CAPN9: variants seen among roughly 807,000 people sequenced by gnomAD.
CAPN9 encodes calpain 9.
A neutral mutation model predicts 92.8 loss-of-function variants in CAPN9; 81 were observed. The ratio of observed to expected loss-of-function variants is 0.87; its 90% CI spans 0.73 to 1.05. The LOEUF (loss-of-function observed/expected upper bound fraction) is 1.05, where lower values mean the gene tolerates loss of function less well. Among genes scored for constraint, CAPN9 ranks in the 50% least tolerant of loss-of-function variants. The pLI, the probability that CAPN9 is intolerant of heterozygous loss-of-function variation, is 0.00. For missense variants in CAPN9, 848 were observed against 866.2 expected (o/e 0.98, Z 0.26); for synonymous variants, 304 against 328.0 (o/e 0.93, Z 0.79).
chr1:230,788,237 A>G (rs1009198869), intron 13 of CAPN9, among the ~76,000 whole-genome samples: 7 of 151,804 alleles, frequency 4.6e-5, no homozygotes, highest in African/African-American at 1.5e-4. Flanking sequence ...CCATTAGAAT[A>G]CTCTGTTTGC....
At chr1:230,747,879 T>C (rs573230600) in intron 1 of CAPN9, among the ~76,000 whole-genome samples, 170 bp downstream of exon 1, 1 of 152,242 alleles carries the variant, frequency 6.6e-6, no homozygotes, top group Non-Finnish European at 1.5e-5. Context: ...GAAAATAATG[T>C]ACAGGCCTGG....
intron 11 of CAPN9, among the ~76,000 whole-genome samples, chr1:230,782,124 T>C (rs1201429156): frequency 6.6e-6 from 1 of 152,158 alleles, no homozygotes; most frequent in African/African-American, 2.4e-5. Context: ...CTCTATCTTA[T>C]TAGTGGGGTG....
chr1:230,792,073 TG>T, intron 15 of CAPN9, 145 bp downstream of exon 15: 1 of 674,076 alleles, frequency 1.5e-6, no homozygotes, highest in South Asian at 2.0e-5. Flanking sequence ...AACCCAAAGC[TG>T]GGGGACCCCC....
At chr1:230,757,011 TGGAA>T (rs1185102067) in intron 2 of CAPN9, among the ~76,000 whole-genome samples, 12,813 of 84,902 alleles carry the variant, frequency 0.15, 755 homozygotes, top group African/African-American at 0.2. Context: ...GGAGGGAGGA[TGGAA>T]GGAAGGAAGG....
chr1:230,773,248 G>A (rs1367830716), intron 7 of CAPN9, among the ~76,000 whole-genome samples: 3 of 152,196 alleles, frequency 2.0e-5, no homozygotes, highest in Non-Finnish European at 4.4e-5. Context: ...TCTGGCCTTG[G>A]CTGCCGCCTT....
chr1:230,790,248 G>T (rs1163486191), intron 14 of CAPN9, 59 bp downstream of exon 14: 1 of 1,596,874 alleles, frequency 6.3e-7, no homozygotes, highest in Admixed American at 1.7e-5. Context: ...CGACCACACT[G>T]CCTGGGTCCC....
At chr1:230,751,665 AAGAAAGAAAGAAAG>A (rs1664840414) in intron 1 of CAPN9, among the ~76,000 whole-genome samples, 1 of 55,070 alleles carries the variant, frequency 1.8e-5, no homozygotes, top group Admixed American at 1.5e-4. Flanking sequence ...GAAAGAAAGA[AAGAAAGAAAGAAAG>A]AAAGAAGGGT....
intron 1 of CAPN9, among the ~76,000 whole-genome samples, chr1:230,754,181 A>C (rs926707522): frequency 1.3e-5 from 2 of 151,980 alleles, no homozygotes; most frequent in Non-Finnish European, 2.9e-5. Context: ...CGTCCAGGGC[A>C]GCTCCACCAG....
At chr1:230,753,720 A>G (rs914679090) in intron 1 of CAPN9, among the ~76,000 whole-genome samples, 1 of 152,006 alleles carries the variant, frequency 6.6e-6, no homozygotes, top group African/African-American at 2.4e-5. Context: ...AAGAGGTGGG[A>G]AAAATCCTTC....
intron 13 of CAPN9, among the ~76,000 whole-genome samples, chr1:230,789,884 G>A (rs958237764): frequency 1.3e-5 from 2 of 152,112 alleles, no homozygotes; most frequent in Admixed American, 6.6e-5. Context: ...CTTTTCATGC[G>A]CTTTCCTGGG....
chr1:230,790,598 A>G (rs543000154), intron 14 of CAPN9, among the ~76,000 whole-genome samples: 4 of 136,836 alleles, frequency 2.9e-5, no homozygotes, highest in Admixed American at 2.8e-4. Context: ...GCAACCACTC[A>G]TCTACTTTCT....
intron 8 of CAPN9, 43 bp downstream of exon 8, chr1:230,774,674 C>A (rs754770936): frequency 5.2e-6 from 7 of 1,354,254 alleles, no homozygotes; most frequent in Non-Finnish European, 3.2e-6. Flanking sequence ...ACGAGCAAGT[C>A]CCATGGCCCT....
intron 13 of CAPN9, among the ~76,000 whole-genome samples, chr1:230,788,793 T>C (rs1667781475): frequency 6.6e-6 from 1 of 152,116 alleles, no homozygotes; most frequent in Non-Finnish European, 1.5e-5. Context: ...ATCTGGAGCA[T>C]GCTGGGTCAG....
chr1:230,800,305 AG>A (rs766403592), intron 19 of CAPN9, among the ~76,000 whole-genome samples: 12 of 51,724 alleles, frequency 2.3e-4, no homozygotes, highest in African/African-American at 6.6e-4. Flanking sequence ...AAAGAAAGAA[AG>A]GAAAAACAAG....
At chr1:230,753,106 C>T (rs182201342) in intron 1 of CAPN9, among the ~76,000 whole-genome samples, 3 of 152,230 alleles carry the variant, frequency 2.0e-5, no homozygotes, top group African/African-American at 4.8e-5. Context: ...CAAGCCAGGA[C>T]CCCAGAACTG....
At position 230,769,395 on chromosome 1, in the gene CAPN9, A is replaced by G. The variant is rs975679503; in HGVS notation, c.789+132A>G. On this transcript the variant is annotated intron_variant, in intron 6 of 19. Coordinates refer to ENST00000271971, the MANE Select transcript of CAPN9 (RefSeq NM_006615.3). Reference sequence around the variant, plus strand: ...ATTTCAGAGATTATGTCACCTAAAGAGGCAGGCTGGAATTCAAAACGGCAA... The same window carrying G: ...ATTTCAGAGATTATGTCACCTAAAGGGGCAGGCTGGAATTCAAAACGGCAA... The G allele has an allele frequency of 1.2e-5, 8 of 657,664 alleles. No homozygotes were observed. In the African/African-American group the frequency reaches 1.5e-4, roughly 12 times the overall value. The allele number at this position is 657,664 out of a possible 1,614,324, so 40.7% of individuals were successfully genotyped here. A position where few individuals can be genotyped will look rare whatever the true frequency, so the allele number is the denominator to read the frequency against.
intron 17 of CAPN9, 69 bp from the exon 18 acceptor site, chr1:230,795,094 C>T: frequency 1.0e-6 from 1 of 976,062 alleles, no homozygotes; most frequent in Non-Finnish European, 1.6e-6. Context: ...TGGGAGCTCC[C>T]TCAAAGGTGC....
At chr1:230,779,169 C>T in intron 9 of CAPN9, 36 bp downstream of exon 9, 1 of 1,602,968 alleles carries the variant, frequency 6.2e-7, no homozygotes, top group Non-Finnish European at 8.5e-7. Flanking sequence ...CTGCCACTCC[C>T]AAGTGTCCCT....
In CAPN9 at chr1:230,759,608, A is replaced by G; in HGVS notation, c.380A>G (p.Tyr127Cys). The G allele has an allele frequency of 6.2e-7, 1 of 1,605,758 alleles. No homozygotes were observed. The highest frequency in any genetic ancestry group is 8.5e-7 in the Non-Finnish European group (1 of 1,177,100). The stretch of plus-strand genomic sequence containing the variant: ...CAGGACCAAAGCTTTGGCCCTGGTT[A>G]TGCCGGGATATTCCATTTCCAGGTA... ...IPQDQSFGPG[Y>C]AGIFHFQFWQ... is the part of the protein sequence containing the mutation. Residue 127 changes from tyrosine (Y) to cysteine (C), a missense_variant, in exon 3 of 20, where the codon TAT becomes TGT. Physicochemically the swap from Tyr to Cys is radical, Grantham distance 194. Transcript: ENST00000271971.
Sources: allele counts gnomAD v4.1 joint callset (sites outside exome capture counted in the v4.1 genomes callset), GRCh38; gene constraint gnomAD v4.1.1; transcripts MANE v1.5; gene names NCBI Gene and HGNC (gene_info 2026-07-23, HGNC 2026-07-21).